PCDHGA4: variants seen among roughly 807,000 people sequenced by gnomAD.
PCDHGA4 encodes protocadherin gamma-A4.
In PCDHGA4, 38 loss-of-function variants were observed where a neutral mutation model predicts 54.6. That is an observed-to-expected ratio of 0.70 (90% CI 0.54 to 0.91). The LOEUF (loss-of-function observed/expected upper bound fraction) is 0.91, where lower values mean the gene tolerates loss of function less well. Among genes scored for constraint, PCDHGA4 ranks in the 40% least tolerant of loss-of-function variants. PCDHGA4 has a pLI of 0.00. For synonymous variants in PCDHGA4, 511 were observed against 512.9 expected (o/e 1.00, Z 0.05); for missense variants, 1,298 against 1,220.9 (o/e 1.06, Z -0.94).
chr5:141,512,897 C>T lies in PCDHGA4; in HGVS notation c.*1724C>T, dbSNP rs1482341871. ...CTCCCACCCCACCCTCTTCCTGTGT[C>T]TCACGCAAGTTTTATACTCTAATAT... On this transcript the variant is annotated 3_prime_UTR_variant, in exon 4 of 4. Coordinates refer to ENST00000571252, the MANE Select transcript of PCDHGA4 (RefSeq NM_018917.4). 1.3e-5 allele frequency: 2 copies of T among 152,274 alleles called. No homozygotes were observed. The highest frequency in any genetic ancestry group is 4.8e-5 in the African/African-American group (2 of 41,470). The allele number at this position is 152,274 out of a possible 1,614,324, so 9.4% of individuals were successfully genotyped here. A position where few individuals can be genotyped will look rare whatever the true frequency, so the allele number is the denominator to read the frequency against.
At chr5:141,365,706 C>T (rs779448749) in intron 1 of PCDHGA4, 1 of 1,613,698 alleles carries the variant, frequency 6.2e-7, no homozygotes, top group African/African-American at 1.3e-5. Flanking sequence ...TCCTACTCCA[C>T]CTCTGTCACA....
intron 1 of PCDHGA4, chr5:141,408,804 A>G (rs577658697): frequency 1.9e-6 from 3 of 1,613,264 alleles, no homozygotes; most frequent in African/African-American, 2.7e-5. Context: ...AAACTCCTAG[A>G]CCGGGAAGAA....
rs765249445 is a variant in PCDHGA4, at chr5:141,489,754, C to T, written c.2515-5053C>T. ...CACCAATACTGTGAGCTTTTACACT[C>T]TAAGCCCCAACAGCCACTTCTCTCT... is the stretch of plus-strand genomic sequence containing the variant. On this transcript the variant is annotated intron_variant, in intron 1 of 3. Coordinates refer to ENST00000571252, the MANE Select transcript of PCDHGA4 (RefSeq NM_018917.4). The surrounding 1 kb of genome is among the most constrained non-coding windows in gnomAD (Gnocchi z 4.5). The T allele has an allele frequency of 4.0e-5, 64 of 1,613,992 alleles. No individual in the cohort carries two copies. The South Asian group carries it at 6.8e-4, about 17-fold the overall frequency.
intron 1 of PCDHGA4, among the ~76,000 whole-genome samples, chr5:141,468,868 A>T (rs1006995156): frequency 9.2e-5 from 14 of 151,794 alleles, no homozygotes; most frequent in African/African-American, 2.4e-4. Flanking sequence ...TCCATCTCAA[A>T]AATAATAATA....
At chr5:141,381,635 G>A (rs528841837) in intron 1 of PCDHGA4, among the ~76,000 whole-genome samples, 1 of 152,276 alleles carries the variant, frequency 6.6e-6, no homozygotes, top group Non-Finnish European at 1.5e-5. Context: ...GCAGATTTCT[G>A]CCTTCTGTAG....
chr5:141,409,697 C>A (rs372548874), intron 1 of PCDHGA4: 1 of 1,613,178 alleles, frequency 6.2e-7, no homozygotes, highest in African/African-American at 1.3e-5. Context: ...CCTAGAGCCC[C>A]TGGCGGTGTC....
intron 1 of PCDHGA4, among the ~76,000 whole-genome samples, chr5:141,461,819 A>G (rs573339238): frequency 1.3e-5 from 2 of 149,282 alleles, no homozygotes; most frequent in African/African-American, 2.5e-5. Flanking sequence ...ACACCCAGCT[A>G]ATTTTTTTTT....
At position 141,416,345 on chromosome 5, in the gene PCDHGA4, A is replaced by T. The variant is rs542527661; in HGVS notation, c.2514+58724A>T. ...ATTTAACTTTCATTGCTCAATAGGG[A>T]TCCTGAGGAGGCTATAGAGGGTGAA... On this transcript the variant is annotated intron_variant, in intron 1 of 3. Transcript: ENST00000571252. The T allele has an allele frequency of 4.6e-5, 7 of 152,330 alleles. No homozygotes were observed. In the East Asian group the frequency reaches 1.3e-3, roughly 29 times the overall value. The allele number at this position is 152,330 out of a possible 1,614,324, so 9.4% of individuals were successfully genotyped here. A position where few individuals can be genotyped will look rare whatever the true frequency, so the allele number is the denominator to read the frequency against.
Position 141,477,779 on chromosome 5 carries a change from A to G in PCDHGA4, c.2515-17028A>G, listed in dbSNP as rs781567883. ...CCTAGCCACCAACATCAGCGTGAAC[A>G]TATTTGTCACTGATCGCAATGACAA... On this transcript the variant is annotated intron_variant, in intron 1 of 3. Coordinates refer to ENST00000571252, the MANE Select transcript of PCDHGA4 (RefSeq NM_018917.4). This position sits in a 1 kb window ranked among gnomAD's most constrained non-coding sequence, Gnocchi z 4.9. 5.6e-6 allele frequency: 9 copies of G among 1,613,894 alleles called. No homozygotes were observed. Among genetic ancestry groups the G allele is most frequent in the South Asian group, 5.5e-5 (5 of 91,084 alleles).
intron 1 of PCDHGA4, chr5:141,389,770 C>T: frequency 4.3e-6 from 7 of 1,613,166 alleles, no homozygotes; most frequent in Admixed American, 1.7e-5. Flanking sequence ...ACAGCGCGTG[C>T]CTTAGGCGAC....
At chr5:141,388,363 C>T (rs778705302) in intron 1 of PCDHGA4, 6 of 1,613,854 alleles carry the variant, frequency 3.7e-6, no homozygotes, top group South Asian at 3.3e-5. Flanking sequence ...GCCCATGATG[C>T]GGATATTGGT....
In PCDHGA4 at chr5:141,375,324, A is replaced by C. The variant is rs751354618; in HGVS notation, c.2514+17703A>C. On this transcript the variant is annotated intron_variant, in intron 1 of 3. Coordinates refer to ENST00000571252, the MANE Select transcript of PCDHGA4 (RefSeq NM_018917.4). ...ACAAATGCAGCTCTAGACCGGGAAGAGGTATTCTTGTACAACATCACTGTG... is the reference window on the plus strand; with the variant it reads ...ACAAATGCAGCTCTAGACCGGGAAGCGGTATTCTTGTACAACATCACTGTG... 1.9e-6 allele frequency: 3 copies of C among 1,613,688 alleles called. No homozygotes were observed. In the African/African-American group the frequency reaches 4.0e-5, roughly 22 times the overall value.
intron 1 of PCDHGA4, chr5:141,427,297 A>G (rs1292641772): frequency 2.2e-6 from 1 of 456,900 alleles, no homozygotes; most frequent in Non-Finnish European, 4.4e-6. Context: ...ATCCTAGATG[A>G]GAATGACAAT....
rs751177252 is a variant in PCDHGA4 at position 141,415,407 on chromosome 5, T to G, written c.2514+57786T>G. The G allele has an allele frequency of 1.9e-6, 3 of 1,614,086 alleles. No homozygotes were observed. The African/African-American group carries it at 4.0e-5, about 22-fold the overall frequency. ...TGACAGGTGTGTCCGGCTCGCACTTTGTGGGCGTGGACGGGGTTCGGGCTT... is the reference window on the plus strand; with the variant it reads ...TGACAGGTGTGTCCGGCTCGCACTTGGTGGGCGTGGACGGGGTTCGGGCTT... On this transcript the variant is annotated intron_variant, in intron 1 of 3. Transcript: ENST00000571252.
chr5:141,365,163 C>T (rs1383856831), intron 1 of PCDHGA4: 1 of 1,613,918 alleles, frequency 6.2e-7, no homozygotes, highest in South Asian at 1.1e-5. Flanking sequence ...GGGAAATTGA[C>T]CTACTCTTTT....
chr5:141,390,286 G>A (rs1043842292), intron 1 of PCDHGA4: 2 of 1,613,848 alleles, frequency 1.2e-6, no homozygotes, highest in Non-Finnish European at 1.7e-6. Flanking sequence ...CATCAGGTGA[G>A]TTTCCTTTAA....
intron 1 of PCDHGA4, chr5:141,389,471 A>G: frequency 6.2e-7 from 1 of 1,613,210 alleles, no homozygotes; most frequent in Non-Finnish European, 8.5e-7. Flanking sequence ...TCGAACTCAC[A>G]CTGCAGGCCC....
intron 1 of PCDHGA4, among the ~76,000 whole-genome samples, chr5:141,439,024 T>C (rs1278127532): frequency 2.0e-5 from 3 of 151,510 alleles, no homozygotes; most frequent in African/African-American, 7.3e-5. Flanking sequence ...ATTTTGAAAA[T>C]AGATGCCTCA....
At position 141,485,677 on chromosome 5, in the gene PCDHGA4, C is replaced by T. The variant is rs757797282; in HGVS notation, c.2515-9130C>T. ...CAGATGTGGGGAGCAATTCGATTAG[C>T]AGCTATAGGCTGAGCTCCAATGAAC... On this transcript the variant is annotated intron_variant, in intron 1 of 3. Transcript: ENST00000571252. This position sits in a 1 kb window ranked among gnomAD's most constrained non-coding sequence, Gnocchi z 5.7. 2.4e-5 allele frequency: 38 copies of T among 1,612,714 alleles called. No individual in the cohort carries two copies. In the East Asian group the frequency reaches 7.8e-4, roughly 33 times the overall value.
Sources: allele counts gnomAD v4.1 joint callset (sites outside exome capture counted in the v4.1 genomes callset), GRCh38; gene constraint gnomAD v4.1.1; non-coding constraint Gnocchi (gnomAD v3.1); transcripts MANE v1.5; gene names NCBI Gene and HGNC (gene_info 2026-07-23, HGNC 2026-07-21).